The following ZNF365 variants were observed in gnomAD, a reference collection of about 807,000 sequenced individuals.
ZNF365 encodes protein ZNF365.
A neutral mutation model predicts 35.0 loss-of-function variants in ZNF365; 22 were observed. The ratio of observed to expected loss-of-function variants is 0.63; its 90% confidence interval spans 0.45 to 0.90. ZNF365 has a LOEUF of 0.90. ZNF365 is among the 40% of genes least tolerant of loss of function. The pLI is 0.00. For missense variants in ZNF365, 448 were observed against 500.3 expected (o/e 0.90, Z 1.00); for synonymous variants, 188 against 196.2 (o/e 0.96, Z 0.35).
At chr10:62,442,499 G>C (rs73290629) in intron 3 of ZNF365, among the ~76,000 whole-genome samples, 2,327 of 152,274 alleles carry the variant, frequency 0.015, 62 homozygotes, top group African/African-American at 0.052. Context: ...ATACTCACAG[G>C]CTTACGTTAC....
intron 2 of ZNF365, among the ~76,000 whole-genome samples, chr10:62,386,890 G>A (rs4104477): frequency 0.38 from 58,179 of 152,008 alleles, 11,513 homozygotes; most frequent in Middle Eastern, 0.47. Flanking sequence ...AACTGAATGA[G>A]GTTGGATTAA....
At chr10:62,421,124 A>C (rs2132447723) in intron 3 of ZNF365, among the ~76,000 whole-genome samples, 1 of 152,194 alleles carries the variant, frequency 6.6e-6, no homozygotes, top group Non-Finnish European at 1.5e-5. Context: ...ATACTGGAAA[A>C]ATATGTATTT....
intron 3 of ZNF365, among the ~76,000 whole-genome samples, chr10:62,448,168 T>C (rs145718574): frequency 1.5e-4 from 23 of 152,358 alleles, no homozygotes; most frequent in Middle Eastern, 3.4e-3. Flanking sequence ...GTTCATTAAG[T>C]AAGATTCAGT....
Position 62,376,393 on chromosome 10 carries a change from C to A in ZNF365, c.200C>A (p.Ser67Tyr), listed in dbSNP as rs373853921. 5.5e-5 allele frequency: 88 copies of A among 1,614,030 alleles called. No individual in the cohort carries two copies. Among genetic ancestry groups the A allele is most frequent in the Non-Finnish European group, 7.5e-5 (88 of 1,180,032 alleles). The change falls in exon 2 of 5, where the codon TCC becomes TAC. Residue 67 changes from serine (S) to tyrosine (Y), a missense_variant. Around this residue, in one of 3 missense-constraint regions of ZNF365, gnomAD observed 76 missense variants for 96.7 expected, o/e 0.79. Coordinates refer to ENST00000395254, the MANE Select transcript of ZNF365 (RefSeq NM_014951.3). ...TTGACAAAATGCAGTCTCTTTCCAT[C>A]CCTCAAAGACACAGACCTAGTCACT... ...TLLTKCSLFP[S>Y]LKDTDLVTSS...
chr10:62,467,121 G>T (rs1163406068), intron 4 of ZNF365, among the ~76,000 whole-genome samples: 1 of 152,174 alleles, frequency 6.6e-6, no homozygotes, highest in African/African-American at 2.4e-5. Context: ...GATTTCATTT[G>T]CCATAGGCAA....
intron 4 of ZNF365, among the ~76,000 whole-genome samples, chr10:62,476,638 T>G (rs1010353934): frequency 3.3e-5 from 5 of 152,242 alleles, no homozygotes; most frequent in Non-Finnish European, 7.3e-5. Flanking sequence ...TATAGGTTTC[T>G]CTAATTCTTC....
intron 3 of ZNF365, among the ~76,000 whole-genome samples, chr10:62,392,312 C>A (rs1839644557): frequency 6.6e-6 from 1 of 152,134 alleles, no homozygotes; most frequent in South Asian, 2.1e-4. Flanking sequence ...AAGTCTTTGC[C>A]TAAGCCATTG....
Position 62,431,986 on chromosome 10 carries a change from C to T in ZNF365, c.925-27755C>T, listed in dbSNP as rs543391126. Among the ~76,000 whole-genome samples, 33 of 152,142 alleles carry T rather than the reference C, an allele frequency of 2.2e-4. 1 individual carries two copies. In the East Asian group the frequency reaches 2.5e-3, roughly 12 times the overall value. ...AGACCTGAGGTAACTTACAGTTGGTCACAAAAACATACTGTGAGCATGGGC... is the reference window on the plus strand; with the variant it reads ...AGACCTGAGGTAACTTACAGTTGGTTACAAAAACATACTGTGAGCATGGGC... On this transcript the variant is annotated intron_variant, in intron 3 of 4. Transcript: ENST00000395255.
At chr10:62,478,862 C>A (rs779713565) in intron 4 of ZNF365, among the ~76,000 whole-genome samples, 54 of 152,338 alleles carry the variant, frequency 3.5e-4, no homozygotes, top group Non-Finnish European at 7.5e-4. Context: ...GGGTGAGCCA[C>A]CATGCCCTGC....
chr10:62,377,700 T>C (rs186721118), intron 2 of ZNF365, among the ~76,000 whole-genome samples: 190 of 152,340 alleles, frequency 1.2e-3, no homozygotes, highest in African/African-American at 4.3e-3. Context: ...TCAGTAAGTA[T>C]AGATTTAACC....
At chr10:62,388,187 ATTTG>A (rs1839555275) in intron 2 of ZNF365, among the ~76,000 whole-genome samples, 1 of 152,130 alleles carries the variant, frequency 6.6e-6, no homozygotes, top group Non-Finnish European at 1.5e-5. Flanking sequence ...ACATATATTT[ATTTG>A]TTTGTTTTAT....
Position 62,456,883 on chromosome 10 carries a change from G to A in ZNF365, c.925-2858G>A, listed in dbSNP as rs565014416. Reference sequence around the variant, plus strand: ...ACAAACTCAGTGATTACAACAATAAGCATTTACTTAACATGTGTATGTGTG... The same window carrying A: ...ACAAACTCAGTGATTACAACAATAAACATTTACTTAACATGTGTATGTGTG... On this transcript the variant is annotated intron_variant, in intron 3 of 4. Coordinates refer to the ZNF365 transcript ENST00000395255. Among the ~76,000 whole-genome samples, 5 of 152,080 alleles carry A rather than the reference G, an allele frequency of 3.3e-5. 1 individual carries two copies. The highest frequency in any genetic ancestry group is 7.4e-5 in the Non-Finnish European group (5 of 68,012).
intron 3 of ZNF365, among the ~76,000 whole-genome samples, chr10:62,455,848 C>G (rs1271489886): frequency 6.6e-6 from 1 of 152,146 alleles, no homozygotes; most frequent in African/African-American, 2.4e-5. Context: ...GTGACTTACC[C>G]AAGGTTCAGT....
chr10:62,454,519 C>T (rs945352617), intron 3 of ZNF365, among the ~76,000 whole-genome samples: 31 of 152,144 alleles, frequency 2.0e-4, no homozygotes, highest in African/African-American at 1.9e-4. Flanking sequence ...GACAAATTTA[C>T]GGAAACACTG....
chr10:62,402,282 C>T lies in ZNF365; in HGVS notation c.*2493C>T. 1.0e-6 allele frequency: 1 copy of T among 985,568 alleles called. No homozygotes were observed. The highest frequency in any genetic ancestry group is 1.2e-6 in the Non-Finnish European group (1 of 829,884). 61.1% of individuals were successfully genotyped at this position (985,568 alleles called of 1,614,324 possible). A position where few individuals can be genotyped will look rare whatever the true frequency, so the allele number is the denominator to read the frequency against. ...GCTTTTCTTGCTTTTTCCCTTTTTC[C>T]CAAACTAGGTTACAGGTTCTTATCT... On this transcript the variant is annotated 3_prime_UTR_variant, in exon 5 of 5. Coordinates refer to ENST00000395254, the MANE Select transcript of ZNF365 (RefSeq NM_014951.3).
In ZNF365 at chr10:62,401,672, C is replaced by T. The variant is rs1472189865; in HGVS notation, c.*1883C>T. The T allele has an allele frequency of 1.0e-6, 1 of 985,510 alleles. No individual in the cohort carries two copies. The highest frequency in any genetic ancestry group is 1.2e-6 in the Non-Finnish European group (1 of 829,910). 61.0% of individuals were successfully genotyped at this position (985,510 alleles called of 1,614,324 possible). On this transcript the variant is annotated 3_prime_UTR_variant, in exon 5 of 5. Coordinates refer to ENST00000395254, the MANE Select transcript of ZNF365 (RefSeq NM_014951.3). ...TGCTTATACCATGATTGCACCTTAG[C>T]CTTTTACATACTAAAAACATGACTT...
chr10:62,393,164 C>T (rs551161643), intron 3 of ZNF365, among the ~76,000 whole-genome samples: 1 of 152,260 alleles, frequency 6.6e-6, no homozygotes, highest in African/African-American at 2.4e-5. Context: ...CTGTCATCTC[C>T]TATGGTCACA....
chr10:62,382,910 T>A (rs572951996), intron 2 of ZNF365, among the ~76,000 whole-genome samples: 1 of 152,210 alleles, frequency 6.6e-6, no homozygotes, highest in Non-Finnish European at 1.5e-5. Flanking sequence ...AAATCAGTCA[T>A]GTAAAGTGAA....
In ZNF365 at chr10:62,399,491, T is replaced by C. The variant is rs557846528; in HGVS notation, c.963-37T>C. The C allele has an allele frequency of 2.5e-6, 4 of 1,599,738 alleles. No individual in the cohort carries two copies. In the South Asian group the frequency reaches 4.4e-5, roughly 18 times the overall value. On this transcript the variant is annotated intron_variant, in intron 4 of 4. Coordinates refer to ENST00000395254, the MANE Select transcript of ZNF365 (RefSeq NM_014951.3). Reference sequence around the variant, plus strand: ...GTTTTAAAGAAATCTTTCTTTCTGCTCATCTCTTCTCCACTCCCCCCTCCA... The same window carrying C: ...GTTTTAAAGAAATCTTTCTTTCTGCCCATCTCTTCTCCACTCCCCCCTCCA...
Sources: allele counts gnomAD v4.1 joint callset (sites outside exome capture counted in the v4.1 genomes callset), GRCh38; gene constraint gnomAD v4.1.1; regional missense constraint gnomAD v4.1.1; transcripts MANE v1.5; gene names NCBI Gene and HGNC (gene_info 2026-07-23, HGNC 2026-07-21).